Variants in ATP9A observed in about 807,000 individuals in gnomAD.
ATP9A encodes the protein probable phospholipid-transporting ATPase IIA.
ATP9A carries 52 observed loss-of-function variants against 144.1 expected under a neutral mutation model. That is an observed-to-expected ratio of 0.36 (90% CI 0.29 to 0.45). The LOEUF (loss-of-function observed/expected upper bound fraction) is 0.45, where lower values mean the gene tolerates loss of function less well. Ranked by LOEUF, ATP9A falls within the 20% of genes least tolerant of loss-of-function variation. The pLI is 1.00. For synonymous variants in ATP9A, 582 were observed against 557.4 expected, an observed-to-expected ratio of 1.04 and a Z score of -0.62; for missense variants, 947 against 1,392.7, an observed-to-expected ratio of 0.68 and a Z score of 5.09.
At chr20:51,638,113 A>ATC (rs1274519300) in intron 15 of ATP9A, among the ~76,000 whole-genome samples, 2 of 100,930 alleles carry the variant, frequency 2.0e-5, no homozygotes, top group South Asian at 2.9e-4. Flanking sequence ...ATATATATAT[A>ATC]TATATATATA....
Position 51,741,347 on chromosome 20 carries a change from G to A in ATP9A, c.69-11369C>T, listed in dbSNP as rs533157697. 5.1e-4 allele frequency among the ~76,000 whole-genome samples: 78 copies of A among 152,278 alleles called. 1 individual carries two copies. The highest frequency in any genetic ancestry group is 1.5e-3 in the African/African-American group (62 of 41,556). ...TGTAATCCCAGTACTTTGGGAGGCC[G>A]AGGCAGGCGGATCACGAGGTCAGGG... is the stretch of plus-strand genomic sequence containing the variant. On this transcript the variant is annotated intron_variant, in intron 1 of 27. Transcript: ENST00000338821.
At chr20:51,653,765 C>A (rs1320511515) in intron 14 of ATP9A, among the ~76,000 whole-genome samples, 2 of 151,178 alleles carry the variant, frequency 1.3e-5, no homozygotes, top group Admixed American at 6.6e-5. Context: ...CCAGCCTGGG[C>A]GACAGAGCAA....
chr20:51,761,765 A>C (rs2077881935), intron 1 of ATP9A, among the ~76,000 whole-genome samples: 1 of 152,048 alleles, frequency 6.6e-6, no homozygotes, highest in Non-Finnish European at 1.5e-5. Flanking sequence ...GCCTCAAAAA[A>C]AAAAAAAAAT....
intron 13 of ATP9A, among the ~76,000 whole-genome samples, chr20:51,664,776 G>C (rs934791786): frequency 1.3e-5 from 2 of 151,684 alleles, no homozygotes; most frequent in South Asian, 4.2e-4. Flanking sequence ...TTGGAGTGCA[G>C]TGACGCGATC....
chr20:51,661,996 A>G (rs976446898), intron 13 of ATP9A, among the ~76,000 whole-genome samples: 1 of 152,206 alleles, frequency 6.6e-6, no homozygotes, highest in Admixed American at 6.5e-5. Flanking sequence ...GGTTGTCACA[A>G]CTGTGAGGGG....
intron 23 of ATP9A, among the ~76,000 whole-genome samples, chr20:51,612,403 T>C (rs2077188191): frequency 6.6e-6 from 1 of 152,180 alleles, no homozygotes; most frequent in Non-Finnish European, 1.5e-5. Flanking sequence ...CCACACTTAA[T>C]TGCTACAGAC....
At chr20:51,619,616 C>T (rs1295619229) in intron 19 of ATP9A, among the ~76,000 whole-genome samples, 2 of 147,158 alleles carry the variant, frequency 1.4e-5, no homozygotes, top group Non-Finnish European at 3.0e-5. Flanking sequence ...CACCTGTAAT[C>T]TCAGCACCTT....
chr20:51,753,487 CAAA>C (rs2077842078), intron 1 of ATP9A, among the ~76,000 whole-genome samples: 1 of 147,152 alleles, frequency 6.8e-6, no homozygotes, highest in Non-Finnish European at 1.5e-5. Flanking sequence ...ACAACAACAA[CAAA>C]CCCACGTTCT....
chr20:51,735,961 G>A (rs2077761074), intron 1 of ATP9A, among the ~76,000 whole-genome samples: 1 of 152,212 alleles, frequency 6.6e-6, no homozygotes, highest in South Asian at 2.1e-4. Flanking sequence ...GCCTAGTGGA[G>A]GGAGACAGTA....
chr20:51,649,894 C>T (rs1277779668), intron 14 of ATP9A, among the ~76,000 whole-genome samples: 1 of 135,118 alleles, frequency 7.4e-6, no homozygotes, highest in Non-Finnish European at 1.5e-5. Context: ...GCCTGGGCAG[C>T]AGAGCGAGAA....
At chr20:51,644,400 G>A (rs1387691815) in intron 14 of ATP9A, among the ~76,000 whole-genome samples, 1 of 146,350 alleles carries the variant, frequency 6.8e-6, no homozygotes, top group Non-Finnish European at 1.5e-5. Flanking sequence ...AGCCTCCCAA[G>A]TAGCTGGTGC....
rs56011562 is a variant in ATP9A, at chr20:51,745,265, T to TA, written c.69-15288dup. ...CTGGGTGACAGAGCGAGACTCCGTC[T>TA]AAAAAAAAAAAAAAAAAAAATTAGC... On this transcript the variant is annotated intron_variant, in intron 1 of 27. Transcript: ENST00000338821. Among the ~76,000 whole-genome samples, 689 of 106,488 alleles carry TA rather than the reference T, an allele frequency of 6.5e-3. 12 individuals are homozygous for TA. Among genetic ancestry groups the TA allele is most frequent in the East Asian group, 0.064 (245 of 3,804 alleles). 69.9% of individuals were successfully genotyped at this position (106,488 alleles called of 152,430 possible).
intron 1 of ATP9A, among the ~76,000 whole-genome samples, chr20:51,761,190 A>G (rs1243838895): frequency 1.3e-5 from 2 of 152,238 alleles, no homozygotes; most frequent in African/African-American, 4.8e-5. Context: ...AAGAGGAAAC[A>G]TGAGTTCAGA....
chr20:51,737,872 G>C (rs1671714649), intron 1 of ATP9A, among the ~76,000 whole-genome samples: 1 of 152,052 alleles, frequency 6.6e-6, no homozygotes, highest in African/African-American at 2.4e-5. Context: ...GAAAGAGCCA[G>C]GTGTGGTGGC....
At chr20:51,633,289 C>T (rs1601069751) in intron 15 of ATP9A, among the ~76,000 whole-genome samples, 2 of 151,998 alleles carry the variant, frequency 1.3e-5, no homozygotes, top group East Asian at 1.9e-4. Context: ...AAATTCTCAT[C>T]GTATACATAT....
intron 9 of ATP9A, among the ~76,000 whole-genome samples, chr20:51,681,464 C>T (rs1334072164): frequency 7.2e-6 from 1 of 139,022 alleles, no homozygotes; most frequent in Non-Finnish European, 1.5e-5. Flanking sequence ...CTTTGTCGCC[C>T]AGGCTGGAGT....
intron 1 of ATP9A, among the ~76,000 whole-genome samples, chr20:51,735,803 A>G (rs2077760503): frequency 1.3e-5 from 2 of 152,236 alleles, no homozygotes; most frequent in South Asian, 4.1e-4. Context: ...AGTAACAACA[A>G]CAAGGCAAGT....
intron 18 of ATP9A, among the ~76,000 whole-genome samples, chr20:51,623,900 C>A (rs1408674107): frequency 6.6e-6 from 1 of 152,212 alleles, no homozygotes; most frequent in Admixed American, 6.5e-5. Flanking sequence ...GCACTCCCCT[C>A]CTCCTGTCAT....
chr20:51,675,208 A>G (rs1601097067), intron 10 of ATP9A, among the ~76,000 whole-genome samples: 1 of 152,228 alleles, frequency 6.6e-6, no homozygotes, highest in African/African-American at 2.4e-5. Context: ...AACATGCCCC[A>G]GGATAAGGCT....
Sources: allele counts gnomAD v4.1 joint callset (sites outside exome capture counted in the v4.1 genomes callset), GRCh38; gene constraint gnomAD v4.1.1; transcripts MANE v1.5; gene names NCBI Gene and HGNC (gene_info 2026-07-23, HGNC 2026-07-21).